MAP4: variants seen among roughly 807,000 people sequenced by gnomAD.
MAP4 encodes the protein microtubule associated protein 4, also known as microtubule-associated protein 4.
In MAP4, 76 loss-of-function variants were observed where a neutral mutation model predicts 170.2. That is an observed-to-expected ratio of 0.45 (90% CI 0.37 to 0.54). The LOEUF (loss-of-function observed/expected upper bound fraction) is 0.54, where lower values mean the gene tolerates loss of function less well. Ranked by LOEUF, MAP4 falls within the 20% of genes least tolerant of loss-of-function variation. MAP4 has a pLI of 0.00. For missense variants in MAP4, 2,506 were observed against 2,748.0 expected, an observed-to-expected ratio of 0.91 and a Z score of 1.97; for synonymous variants, 909 against 994.5, an observed-to-expected ratio of 0.91 and a Z score of 1.62.
chr3:47,904,324 A>AT (rs1301776191), intron 9 of MAP4, among the ~76,000 whole-genome samples: 4 of 151,794 alleles, frequency 2.6e-5, no homozygotes, highest in African/African-American at 4.8e-5. Flanking sequence ...TATTATTATT[A>AT]TTATTTTTTG....
intron 1 of MAP4, among the ~76,000 whole-genome samples, chr3:48,022,533 G>C (rs953921380): frequency 6.6e-6 from 1 of 152,116 alleles, no homozygotes; most frequent in African/African-American, 2.4e-5. Flanking sequence ...TTTGAAGCTA[G>C]ATTTTTACAG....
rs1443669910 is a variant in MAP4, at chr3:47,998,555, T to C, written c.223+83A>G. 3.6e-6 allele frequency: 4 copies of C among 1,099,318 alleles called. No homozygotes were observed. The East Asian group carries it at 9.4e-5, about 26-fold the overall frequency. 68.1% of individuals were successfully genotyped at this position (1,099,318 alleles called of 1,614,324 possible). A position where few individuals can be genotyped will look rare whatever the true frequency, so the allele number is the denominator to read the frequency against. ...CTACACTAAAAAAACTCAGCTCAAT[T>C]CTCAGTTTCCAAGATTATACCAAAG... On this transcript the variant is annotated intron_variant, in intron 2 of 20. Transcript: ENST00000683076.
chr3:47,866,759 A>G (rs2081123527), intron 17 of MAP4, among the ~76,000 whole-genome samples: 1 of 152,202 alleles, frequency 6.6e-6, no homozygotes, highest in African/African-American at 2.4e-5. Context: ...ATCTCAAAAA[A>G]ACGTGGGGAA....
chr3:47,898,312 G>A (rs1164498213), intron 10 of MAP4, among the ~76,000 whole-genome samples: 2 of 151,966 alleles, frequency 1.3e-5, no homozygotes, highest in African/African-American at 4.8e-5. Context: ...GACCATCCTG[G>A]CCAACGTGAT....
chr3:47,938,232 C>A (rs1001631601), intron 3 of MAP4, among the ~76,000 whole-genome samples: 12 of 152,022 alleles, frequency 7.9e-5, no homozygotes, highest in African/African-American at 2.6e-4. Flanking sequence ...ATTAGCCACG[C>A]ATGGTGGCGC....
At position 47,916,350 on chromosome 3, in the gene MAP4, C is replaced by T. The variant is rs533405535; in HGVS notation, c.1477G>A (p.Ala493Thr). Residue 493 changes from alanine to threonine, a missense_variant, in exon 7 of 21, where the codon GCT (alanine) becomes ACT (threonine). Ala to Thr is a moderately conservative substitution (Grantham distance 58). Transcript: ENST00000683076. The stretch of plus-strand genomic sequence containing the variant: ...CCCACTTCTTTTACTGTGGACGGAG[C>T]CACATCCTTGGCCGGGGCTATTTCT... ...ETEIAPAKDV[A>T]PSTVKEVGLL... The T allele has an allele frequency of 1.2e-6, 2 of 1,614,220 alleles. No individual in the cohort carries two copies. Among genetic ancestry groups the T allele is most frequent in the Admixed American group, 3.3e-5 (2 of 60,026 alleles).
intron 3 of MAP4, among the ~76,000 whole-genome samples, chr3:47,942,709 T>A (rs1384352099): frequency 6.6e-6 from 1 of 152,254 alleles, no homozygotes. Context: ...TATATTCATA[T>A]ACATACATAT....
At chr3:48,086,456 T>C (rs1392205522) in intron 1 of MAP4, among the ~76,000 whole-genome samples, 1 of 152,132 alleles carries the variant, frequency 6.6e-6, no homozygotes, top group Non-Finnish European at 1.5e-5. Context: ...CTGTCCAACG[T>C]GGCGAAACCC....
At chr3:47,924,556 C>T (rs2153731185) in intron 4 of MAP4, among the ~76,000 whole-genome samples, 1 of 152,216 alleles carries the variant, frequency 6.6e-6, no homozygotes, top group South Asian at 2.1e-4. Context: ...AATCCATTGC[C>T]CTTGACCTTC....
At chr3:48,077,053 GGAA>G (rs1272390685) in intron 1 of MAP4, among the ~76,000 whole-genome samples, 2 of 152,124 alleles carry the variant, frequency 1.3e-5, no homozygotes, top group Non-Finnish European at 1.5e-5. Flanking sequence ...AGGCTGAGGT[GGAA>G]GAATCACCTG....
intron 17 of MAP4, among the ~76,000 whole-genome samples, chr3:47,864,171 G>T (rs1190940881): frequency 1.3e-5 from 2 of 152,030 alleles, no homozygotes; most frequent in African/African-American, 4.8e-5. Context: ...AAATTGCTTT[G>T]AAACCCAGGC....
intron 3 of MAP4, among the ~76,000 whole-genome samples, chr3:47,965,990 A>C (rs932968776): frequency 6.6e-6 from 1 of 152,092 alleles, no homozygotes; most frequent in Admixed American, 6.6e-5. Context: ...TTTTCTTCTA[A>C]GAAATGTATA....
intron 1 of MAP4, among the ~76,000 whole-genome samples, chr3:48,006,988 G>T (rs1271598274): frequency 1.3e-5 from 2 of 152,244 alleles, no homozygotes; most frequent in Non-Finnish European, 2.9e-5. Context: ...CAGCTGGCAA[G>T]GCCAGCAATA....
chr3:47,997,385 A>C (rs1046942656), intron 2 of MAP4, among the ~76,000 whole-genome samples: 1 of 150,686 alleles, frequency 6.6e-6, no homozygotes, highest in African/African-American at 2.4e-5. Flanking sequence ...GAATTCACAA[A>C]GGAAATATTT....
intron 3 of MAP4, among the ~76,000 whole-genome samples, chr3:47,940,067 A>G (rs1402830716): frequency 6.6e-6 from 1 of 151,954 alleles, no homozygotes; most frequent in Non-Finnish European, 1.5e-5. Context: ...CAAACTCCTG[A>G]CCTCAGGTGA....
chr3:47,955,481 CT>C (rs1158317705), intron 3 of MAP4, among the ~76,000 whole-genome samples: 4 of 139,498 alleles, frequency 2.9e-5, no homozygotes, highest in African/African-American at 1.1e-4. Flanking sequence ...CACACACACA[CT>C]AGTCAACTAT....
intron 14 of MAP4, 38 bp downstream of exon 14, chr3:47,871,189 C>T: frequency 6.2e-7 from 1 of 1,613,240 alleles, no homozygotes; most frequent in Non-Finnish European, 8.5e-7. Flanking sequence ...GGTGGGGGTT[C>T]AAGTTAGGGC....
chr3:47,979,220 GTACCTAATAATTAGGTGATTAGGTAGT>G (rs2100083973), intron 2 of MAP4, among the ~76,000 whole-genome samples: 1 of 149,208 alleles, frequency 6.7e-6, no homozygotes, highest in Non-Finnish European at 1.5e-5. Context: ...TTCTATTCCT[GTACCTAATAATTAGGTGATTAGGTAGT>G]TACCTAATCA....
intron 1 of MAP4, among the ~76,000 whole-genome samples, chr3:48,023,262 T>C (rs1392709074): frequency 6.6e-6 from 1 of 152,228 alleles, no homozygotes; most frequent in African/African-American, 2.4e-5. Context: ...TATGGCATTA[T>C]TCTGAGATAA....
Sources: gnomAD v4.1 joint callset for allele counts (sites outside exome capture counted in the v4.1 genomes callset) on GRCh38, gnomAD v4.1.1 for gene constraint, MANE v1.5 for transcripts, NCBI Gene and HGNC (gene_info 2026-07-23, HGNC 2026-07-21) for gene names.